Variants in ANK3 observed in about 807,000 individuals in gnomAD.
ANK3 encodes ankyrin-3.
Under a neutral mutation model 370.9 loss-of-function variants are expected in ANK3, and 57 were observed. The observed-to-expected ratio is 0.15, with a 90% CI of 0.12 to 0.19. The LOEUF is 0.19. ANK3 is among the 10% of genes least tolerant of loss of function. ANK3 has a pLI of 1.00. For missense variants in ANK3, 4,439 were observed against 5,302.1 expected, an observed-to-expected ratio of 0.84 and a Z score of 5.06; for synonymous variants, 1,929 against 1,946.3, an observed-to-expected ratio of 0.99 and a Z score of 0.23.
chr10:60,317,753 A>G lies in ANK3; in HGVS notation c.115-38114T>C, dbSNP rs999377373. On this transcript the variant is annotated intron_variant, in intron 1 of 43. Coordinates refer to ENST00000280772, the MANE Select transcript of ANK3 (RefSeq NM_020987.5). Reference sequence around the variant, plus strand: ...TTTTGAGACGGAGTCTCGCTCTGTCACCCAGGCTGGAGTGCAGTGGTGCGA... The same window carrying G: ...TTTTGAGACGGAGTCTCGCTCTGTCGCCCAGGCTGGAGTGCAGTGGTGCGA... Among the ~76,000 whole-genome samples the G allele has an allele frequency of 2.6e-4, 35 of 136,264 alleles. No homozygotes were observed. The Admixed American group carries it at 2.6e-3, about 10-fold the overall frequency. 89.4% of individuals were successfully genotyped at this position (136,264 alleles called of 152,430 possible). A position where few individuals can be genotyped will look rare whatever the true frequency, so the allele number is the denominator to read the frequency against.
At chr10:60,604,385 A>G (rs2078103823) in intron 2 of ANK3, among the ~76,000 whole-genome samples, 1 of 152,184 alleles carries the variant, frequency 6.6e-6, no homozygotes, top group South Asian at 2.1e-4. Flanking sequence ...GCCTTCAACA[A>G]ATAAAGTTTC....
intron 1 of ANK3, among the ~76,000 whole-genome samples, chr10:60,354,179 G>A (rs912984238): frequency 2.0e-5 from 3 of 152,148 alleles, no homozygotes; most frequent in Non-Finnish European, 2.9e-5. Flanking sequence ...GAGTTTAGGC[G>A]ATTCTTCCCT....
chr10:60,684,906 T>G, intron 1 of ANK3: 2 of 1,492,970 alleles, frequency 1.3e-6, no homozygotes, highest in South Asian at 2.3e-5. Context: ...CAGTTGCTAA[T>G]AAACAAGACT....
At chr10:60,628,868 G>T (rs2078445125) in intron 1 of ANK3, among the ~76,000 whole-genome samples, 1 of 152,152 alleles carries the variant, frequency 6.6e-6, no homozygotes, top group South Asian at 2.1e-4. Context: ...GACATGACAT[G>T]CCTAACATTT....
chr10:60,516,539 T>TA (rs1177374784), intron 2 of ANK3, among the ~76,000 whole-genome samples: 2 of 152,124 alleles, frequency 1.3e-5, no homozygotes, highest in Non-Finnish European at 2.9e-5. Context: ...TGTAGCAACT[T>TA]ACTCCTGTAG....
intron 2 of ANK3, among the ~76,000 whole-genome samples, chr10:60,543,607 C>T (rs1430963978): frequency 1.3e-5 from 2 of 151,974 alleles, no homozygotes; most frequent in Non-Finnish European, 2.9e-5. Context: ...GTGATTGCCT[C>T]TTTGGGGAGG....
At chr10:60,326,551 G>A (rs2049915944) in intron 1 of ANK3, among the ~76,000 whole-genome samples, 1 of 151,686 alleles carries the variant, frequency 6.6e-6, no homozygotes, top group Admixed American at 6.6e-5. Context: ...GGGTTCTAAC[G>A]CTTCCTCTCC....
At chr10:60,488,326 G>A (rs888652681) in intron 2 of ANK3, among the ~76,000 whole-genome samples, 3 of 152,088 alleles carry the variant, frequency 2.0e-5, no homozygotes, top group African/African-American at 2.4e-5. Flanking sequence ...AGAATGGGAA[G>A]GTGAACAGGA....
chr10:60,301,247 TAC>T (rs149106588), intron 1 of ANK3, among the ~76,000 whole-genome samples: 3,964 of 146,822 alleles, frequency 0.027, 80 homozygotes, highest in Non-Finnish European at 0.035. Flanking sequence ...TATATACATA[TAC>T]ACACACACAT....
intron 2 of ANK3, among the ~76,000 whole-genome samples, chr10:60,578,145 C>T (rs1368060009): frequency 6.6e-6 from 1 of 152,118 alleles, no homozygotes; most frequent in Non-Finnish European, 1.5e-5. Flanking sequence ...CTGTTTTGTT[C>T]CGAGTTTTCT....
chr10:60,066,834 T>A (rs1319552638), intron 38 of ANK3, among the ~76,000 whole-genome samples: 2 of 152,228 alleles, frequency 1.3e-5, no homozygotes, highest in African/African-American at 4.8e-5. Context: ...TCATGTGAGG[T>A]AGGATTTTAA....
chr10:60,115,648 G>A (rs2093030081), intron 25 of ANK3, among the ~76,000 whole-genome samples: 2 of 152,016 alleles, frequency 1.3e-5, no homozygotes, highest in Non-Finnish European at 2.9e-5. Flanking sequence ...GAATCAAATG[G>A]GCATTGGTTC....
At chr10:60,230,813 C>T (rs1409103156) in intron 8 of ANK3, among the ~76,000 whole-genome samples, 1 of 151,624 alleles carries the variant, frequency 6.6e-6, no homozygotes, top group Non-Finnish European at 1.5e-5. Context: ...GGCTTGAACC[C>T]AGGAGGTGGA....
At chr10:60,331,336 A>G (rs187785822) in intron 1 of ANK3, among the ~76,000 whole-genome samples, 1 of 152,212 alleles carries the variant, frequency 6.6e-6, no homozygotes, top group Non-Finnish European at 1.5e-5. Context: ...GCTAAGTAAA[A>G]TAAACAAGAT....
chr10:60,659,534 G>A (rs947425089), intron 1 of ANK3, among the ~76,000 whole-genome samples: 18 of 151,932 alleles, frequency 1.2e-4, no homozygotes, highest in African/African-American at 3.9e-4. Flanking sequence ...GGAAGTAGTC[G>A]GCAGTTGTAC....
chr10:60,219,507 G>A (rs999214373), intron 8 of ANK3, among the ~76,000 whole-genome samples: 5 of 152,188 alleles, frequency 3.3e-5, no homozygotes, highest in Non-Finnish European at 7.3e-5. Flanking sequence ...GTGCGTGAGA[G>A]AGAGCTAGGC....
At position 60,088,366 on chromosome 10, in the gene ANK3, G is replaced by T. The variant is rs781386899; in HGVS notation, c.3329-8C>A. 6.2e-7 allele frequency: 1 copy of T among 1,611,668 alleles called. No individual in the cohort carries two copies. The highest frequency in any genetic ancestry group is 1.1e-5 in the South Asian group (1 of 90,924). On this transcript the variant is annotated splice_region_variant and splice_polypyrimidine_tract_variant and intron_variant, in intron 28 of 43. Coordinates refer to ENST00000280772, the MANE Select transcript of ANK3 (RefSeq NM_020987.5). ...CTTCTGGGCTATCAAGTTCTGAAAA[G>T]ACAAATGAAAGAAAATGCCATGAGA...
intron 1 of ANK3, among the ~76,000 whole-genome samples, chr10:60,280,290 C>T (rs866828802): frequency 8.5e-5 from 13 of 152,226 alleles, no homozygotes; most frequent in African/African-American, 2.6e-4. Flanking sequence ...AACTCCTGGC[C>T]TCAAGCAATC....
chr10:60,448,213 A>G (rs544355204), intron 2 of ANK3, among the ~76,000 whole-genome samples: 10 of 152,196 alleles, frequency 6.6e-5, no homozygotes, highest in Non-Finnish European at 1.3e-4. Context: ...CGACTGCAAA[A>G]TTGGGGAGAT....
Sources: gnomAD v4.1 joint callset for allele counts (sites outside exome capture counted in the v4.1 genomes callset) on GRCh38, gnomAD v4.1.1 for gene constraint, MANE v1.5 for transcripts, NCBI Gene and HGNC (gene_info 2026-07-23, HGNC 2026-07-21) for gene names.